ARHGEF3: variants seen among roughly 807,000 people sequenced by gnomAD.
The protein encoded by ARHGEF3 is Rho guanine nucleotide exchange factor 3, also known as 59.8 kDA protein.
ARHGEF3 carries 28 observed loss-of-function variants against 63.2 expected under a neutral mutation model. The observed-to-expected ratio is 0.44, with a 90% CI of 0.33 to 0.61. ARHGEF3 has a LOEUF of 0.61. Among genes scored for constraint, ARHGEF3 ranks in the 20% least tolerant of loss-of-function variants. The pLI, the probability that ARHGEF3 is intolerant of heterozygous loss-of-function variation, is 0.03. For missense variants in ARHGEF3, 533 were observed against 659.3 expected (o/e 0.81, Z 2.10); for synonymous variants, 266 against 254.2 (o/e 1.05, Z -0.44).
chr3:56,774,164 T>C (rs1428700969), intron 1 of ARHGEF3, among the ~76,000 whole-genome samples: 1 of 152,228 alleles, frequency 6.6e-6, no homozygotes, highest in Admixed American at 6.5e-5. Context: ...AAGCAGTGTC[T>C]GATTTCTCAC....
intron 2 of ARHGEF3, among the ~76,000 whole-genome samples, chr3:56,997,045 C>T (rs1415724541): frequency 6.6e-6 from 1 of 152,018 alleles, no homozygotes; most frequent in Non-Finnish European, 1.5e-5. Flanking sequence ...CAACCCTCCC[C>T]ACCTCACCTA....
intron 1 of ARHGEF3, among the ~76,000 whole-genome samples, chr3:57,052,343 C>G (rs1704710750): frequency 6.6e-6 from 1 of 152,092 alleles, no homozygotes; most frequent in Non-Finnish European, 1.5e-5. Context: ...GTCACCCAGG[C>G]TGGAGTGCAG....
intron 2 of ARHGEF3, among the ~76,000 whole-genome samples, chr3:56,970,054 G>C (rs1017465783): frequency 6.6e-6 from 1 of 152,136 alleles, no homozygotes; most frequent in Non-Finnish European, 1.5e-5. Context: ...AATGAGGAGT[G>C]ACTGCTTAAT....
At chr3:56,891,144 A>C (rs2041103178) in intron 3 of ARHGEF3, among the ~76,000 whole-genome samples, 1 of 151,156 alleles carries the variant, frequency 6.6e-6, no homozygotes, top group South Asian at 2.1e-4. Context: ...TGAATGAGAG[A>C]ATTGAAAGAA....
At chr3:57,021,122 G>A (rs913436386) in intron 2 of ARHGEF3, among the ~76,000 whole-genome samples, 1 of 152,152 alleles carries the variant, frequency 6.6e-6, no homozygotes, top group Non-Finnish European at 1.5e-5. Context: ...CTCCATGCTT[G>A]AAAAGCACAG....
At chr3:56,834,462 T>A (rs188298619) in intron 4 of ARHGEF3, among the ~76,000 whole-genome samples, 1 of 152,264 alleles carries the variant, frequency 6.6e-6, no homozygotes, top group East Asian at 1.9e-4. Context: ...ACTATGTATG[T>A]ATTCAGAATA....
rs1475575741 is a variant in ARHGEF3 at position 56,737,278 on chromosome 3, C to A, written c.948G>T (p.Arg316=). Residue 316 remains arginine (R), a synonymous_variant, in exon 8 of 10, where the codon CGG becomes CGT. Transcript: ENST00000296315. ...TCTGGCCTTCTTCCAAGTAAAGAAGCCGCTCTTTATAATAGCGGCATTCAG... is the reference window on the plus strand; with the variant it reads ...TCTGGCCTTCTTCCAAGTAAAGAAGACGCTCTTTATAATAGCGGCATTCAG... ...GESECRYYKE[R]LLYLEEGQKD... is the part of the protein sequence containing the mutation. 6.2e-7 allele frequency: 1 copy of A among 1,613,684 alleles called. No individual in the cohort carries two copies. The highest frequency in any genetic ancestry group is 8.5e-7 in the Non-Finnish European group (1 of 1,179,622).
At chr3:56,931,840 G>C (rs760827189) in intron 3 of ARHGEF3, among the ~76,000 whole-genome samples, 7 of 152,082 alleles carry the variant, frequency 4.6e-5, no homozygotes, top group Non-Finnish European at 7.3e-5. Flanking sequence ...TGAATCTTTT[G>C]GTCCAGGATG....
At chr3:56,907,979 C>T (rs761715977) in intron 3 of ARHGEF3, among the ~76,000 whole-genome samples, 7 of 152,104 alleles carry the variant, frequency 4.6e-5, no homozygotes, top group African/African-American at 1.2e-4. Context: ...AGAAGGTTAC[C>T]TATAAAACAA....
chr3:56,964,030 C>G (rs1700387149), intron 2 of ARHGEF3, among the ~76,000 whole-genome samples: 2 of 152,294 alleles, frequency 1.3e-5, no homozygotes, highest in East Asian at 1.9e-4. Flanking sequence ...AACTCCAACT[C>G]TTTATTTCCT....
chr3:57,067,833 CA>C (rs1705647110), intron 1 of ARHGEF3, among the ~76,000 whole-genome samples: 2 of 148,348 alleles, frequency 1.3e-5, no homozygotes, highest in Admixed American at 6.7e-5. Context: ...AAAAACAAAA[CA>C]AAAAAATTAG....
intron 2 of ARHGEF3, among the ~76,000 whole-genome samples, chr3:56,756,911 C>A (rs1423270492): frequency 6.6e-6 from 1 of 152,166 alleles, no homozygotes; most frequent in Non-Finnish European, 1.5e-5. Flanking sequence ...TCTAAGAAGT[C>A]TTCACCAACA....
rs747094923 is a variant in ARHGEF3, at chr3:56,869,627, AACAG to A, written c.192+12661_192+12664del. 4.6e-5 allele frequency among the ~76,000 whole-genome samples: 7 copies of A among 152,220 alleles called. 1 individual carries two copies. The highest frequency in any genetic ancestry group is 4.4e-5 in the Non-Finnish European group (3 of 68,034). ...AGACACAATTGAGAAAAGTAAGAAAAACAGACAAACAGCTTCTGCAATTGAAACC... is the reference window on the plus strand; with the variant it reads ...AGACACAATTGAGAAAAGTAAGAAAAACAAACAGCTTCTGCAATTGAAACC... On this transcript the variant is annotated intron_variant, in intron 4 of 12. Coordinates refer to the ARHGEF3 transcript ENST00000338458.
intron 4 of ARHGEF3, among the ~76,000 whole-genome samples, chr3:56,873,760 A>C (rs891101074): frequency 7.2e-5 from 11 of 152,068 alleles, no homozygotes; most frequent in African/African-American, 2.7e-4. Context: ...CATTGTTACG[A>C]TTTCTGTTTT....
chr3:56,938,784 T>C (rs931687224), intron 3 of ARHGEF3: 1 of 152,244 alleles, frequency 6.6e-6, no homozygotes, highest in East Asian at 1.9e-4. Context: ...ATAAAGCTAG[T>C]GTGTGCCACT....
chr3:56,977,860 C>T (rs752802770), intron 2 of ARHGEF3, among the ~76,000 whole-genome samples: 1 of 152,134 alleles, frequency 6.6e-6, no homozygotes, highest in Non-Finnish European at 1.5e-5. Flanking sequence ...TAAACTCAAG[C>T]ACACAAAGTA....
intron 3 of ARHGEF3, among the ~76,000 whole-genome samples, chr3:56,892,244 A>G (rs1023004710): frequency 7.9e-5 from 12 of 152,290 alleles, no homozygotes; most frequent in Admixed American, 7.8e-4. Flanking sequence ...TATTTTCCAG[A>G]AAAATTGTCC....
chr3:56,962,022 G>T (rs1480790298), intron 2 of ARHGEF3, among the ~76,000 whole-genome samples: 1 of 152,184 alleles, frequency 6.6e-6, no homozygotes. Flanking sequence ...CCCAGCCTGG[G>T]TGACAGAGGG....
chr3:57,036,789 G>A (rs1455903251), intron 1 of ARHGEF3, among the ~76,000 whole-genome samples: 1 of 152,232 alleles, frequency 6.6e-6, no homozygotes, highest in Non-Finnish European at 1.5e-5. Context: ...AGCTAGTGCT[G>A]GCTGAATGGT....
Sources: allele counts gnomAD v4.1 joint callset (sites outside exome capture counted in the v4.1 genomes callset), GRCh38; gene constraint gnomAD v4.1.1; transcripts MANE v1.5; gene names NCBI Gene and HGNC (gene_info 2026-07-23, HGNC 2026-07-21).